Variants in SCHIP1 observed in about 807,000 individuals in gnomAD.
The protein encoded by SCHIP1 is schwannomin interacting protein 1, also known as schwannomin-interacting protein 1.
Under a neutral mutation model 29.7 loss-of-function variants are expected in SCHIP1, and 8 were observed. That is an observed-to-expected ratio of 0.27 (90% CI 0.16 to 0.49). The LOEUF (loss-of-function observed/expected upper bound fraction) is 0.49. Among genes scored for constraint, SCHIP1 ranks in the 20% least tolerant of loss-of-function variants. The pLI, the probability that SCHIP1 is intolerant of heterozygous loss-of-function variation, is 0.99. For missense variants in SCHIP1, 193 were observed against 294.6 expected, an observed-to-expected ratio of 0.66 and a Z score of 2.52; for synonymous variants, 76 against 94.9, an observed-to-expected ratio of 0.80 and a Z score of 1.16.
the SCHIP1 span, among the ~76,000 whole-genome samples, chr3:159,496,082 A>G: frequency 7.2e-5 from 11 of 152,344 alleles, no homozygotes; most frequent in African/African-American, 2.4e-4. Flanking sequence ...TCCCTTCCTT[A>G]CACCTTATAC....
the SCHIP1 span, among the ~76,000 whole-genome samples, chr3:159,402,138 C>T: frequency 6.6e-6 from 1 of 152,194 alleles, no homozygotes; most frequent in African/African-American, 2.4e-5. Flanking sequence ...ACAGACACTT[C>T]TCAAAAGAAG....
the SCHIP1 span, among the ~76,000 whole-genome samples, chr3:159,531,147 G>T: frequency 6.6e-6 from 1 of 152,114 alleles, no homozygotes. Flanking sequence ...AACCTTTATG[G>T]AATAATTTTA....
the SCHIP1 span, among the ~76,000 whole-genome samples, chr3:159,411,393 C>T: frequency 1.3e-5 from 2 of 152,122 alleles, no homozygotes; most frequent in South Asian, 2.1e-4. Flanking sequence ...ATCTCATGTA[C>T]TCCATAAATA....
chr3:159,884,392 TATG>T (rs1445233309), intron 2 of SCHIP1, among the ~76,000 whole-genome samples: 3 of 149,692 alleles, frequency 2.0e-5, no homozygotes, highest in Non-Finnish European at 4.5e-5. Context: ...TGTGTGTGTT[TATG>T]TATGTATGTA....
the SCHIP1 span, among the ~76,000 whole-genome samples, chr3:159,734,787 CTTTTTTTTTT>C: frequency 5.4e-5 from 6 of 110,488 alleles, no homozygotes; most frequent in South Asian, 3.0e-4. Context: ...CTTTTCTTGT[CTTTTTTTTTT>C]TTTTTTTTTT....
intron 2 of SCHIP1, among the ~76,000 whole-genome samples, chr3:159,875,559 A>G (rs1168030421): frequency 6.6e-6 from 1 of 152,200 alleles, no homozygotes; most frequent in African/African-American, 2.4e-5. Context: ...TGATGACTTT[A>G]TTACTGTAGT....
chr3:159,671,301 G>A, the SCHIP1 span, among the ~76,000 whole-genome samples: 1 of 152,168 alleles, frequency 6.6e-6, no homozygotes, highest in Admixed American at 6.5e-5. Flanking sequence ...GAAGCCTCAG[G>A]AGATCTCCTG....
upstream of SCHIP1, among the ~76,000 whole-genome samples, chr3:159,835,961 A>G (rs1743627259): frequency 6.6e-6 from 1 of 152,252 alleles, no homozygotes; most frequent in Non-Finnish European, 1.5e-5. Flanking sequence ...CAATATTTTA[A>G]TAAGGAAATA....
chr3:159,395,705 T>C, the SCHIP1 span, among the ~76,000 whole-genome samples: 3 of 152,120 alleles, frequency 2.0e-5, no homozygotes, highest in African/African-American at 7.2e-5. Flanking sequence ...TAATTTCTGT[T>C]CTTTTACATT....
the SCHIP1 span, among the ~76,000 whole-genome samples, chr3:159,459,471 A>G: frequency 2.6e-5 from 4 of 152,082 alleles, no homozygotes; most frequent in African/African-American, 7.2e-5. Flanking sequence ...GAGATATAGA[A>G]ATGTCCTTGC....
the SCHIP1 span, among the ~76,000 whole-genome samples, chr3:159,492,493 G>A: frequency 6.6e-6 from 1 of 152,150 alleles, no homozygotes; most frequent in East Asian, 1.9e-4. Context: ...CTGGAAGAAA[G>A]GGTATCAGCG....
the SCHIP1 span, among the ~76,000 whole-genome samples, chr3:159,468,316 G>A: frequency 9.2e-5 from 14 of 152,068 alleles, no homozygotes; most frequent in Non-Finnish European, 1.6e-4. Context: ...TGTCGTATGT[G>A]TTATCCAAAA....
the SCHIP1 span, among the ~76,000 whole-genome samples, chr3:159,563,963 C>A: frequency 6.6e-6 from 1 of 152,270 alleles, no homozygotes; most frequent in East Asian, 1.9e-4. Context: ...CAACAAAGCA[C>A]TTACTGCCTT....
chr3:159,850,396 A>C (rs1267742012), intron 1 of SCHIP1, among the ~76,000 whole-genome samples: 1 of 152,152 alleles, frequency 6.6e-6, no homozygotes, highest in Non-Finnish European at 1.5e-5. Flanking sequence ...TCTACTAAAA[A>C]TACGAAAATT....
the SCHIP1 span, among the ~76,000 whole-genome samples, chr3:159,768,106 C>G: frequency 6.6e-6 from 1 of 152,124 alleles, no homozygotes; most frequent in African/African-American, 2.4e-5. Context: ...AACTTATGAA[C>G]AGGGTTTTGT....
At chr3:159,677,769 T>G in the SCHIP1 span, among the ~76,000 whole-genome samples, 2 of 152,182 alleles carry the variant, frequency 1.3e-5, no homozygotes, top group African/African-American at 2.4e-5. Flanking sequence ...GAGCTGCCTC[T>G]TGATTACACC....
At chr3:159,701,503 G>T in the SCHIP1 span, among the ~76,000 whole-genome samples, 1 of 151,988 alleles carries the variant, frequency 6.6e-6, no homozygotes, top group African/African-American at 2.4e-5. Context: ...AAAATGGTTT[G>T]GATGATCTTG....
chr3:159,450,679 G>T, the SCHIP1 span, among the ~76,000 whole-genome samples: 2 of 151,994 alleles, frequency 1.3e-5, no homozygotes, highest in African/African-American at 2.4e-5. Flanking sequence ...CAAGCCAAGT[G>T]CCTTTCTCCT....
the SCHIP1 span, among the ~76,000 whole-genome samples, chr3:159,466,780 T>G: frequency 0.16 from 24,179 of 152,020 alleles, 2,009 homozygotes; most frequent in African/African-American, 0.18. Context: ...GCATTACAAC[T>G]GCCAATAAAA....
Sources: gnomAD v4.1 joint callset for allele counts (sites outside exome capture counted in the v4.1 genomes callset) on GRCh38, gnomAD v4.1.1 for gene constraint, MANE v1.5 for transcripts, NCBI Gene and HGNC (gene_info 2026-07-23, HGNC 2026-07-21) for gene names.